The following NR1H3 variants were observed in gnomAD, a reference collection of about 807,000 sequenced individuals.
The protein encoded by NR1H3 is nuclear receptor subfamily 1 group H member 3.
NR1H3 carries 19 observed loss-of-function variants against 48.1 expected under a neutral mutation model. The observed-to-expected ratio is 0.40, with a 90% CI of 0.28 to 0.58. The LOEUF (loss-of-function observed/expected upper bound fraction) is 0.58, where lower values mean the gene tolerates loss of function less well. Ranked by LOEUF, NR1H3 falls within the 20% of genes least tolerant of loss-of-function variation. The probability of loss-of-function intolerance (pLI) is 0.50; values close to 1 mark genes in which losing one functional copy is unlikely to be tolerated. For missense variants in NR1H3, 486 were observed against 595.9 expected (o/e 0.82, Z 1.92); for synonymous variants, 232 against 227.3 (o/e 1.02, Z -0.19).
intron 4 of NR1H3, 66 bp from the exon 5 acceptor site, chr11:47,261,175 T>G: frequency 8.8e-7 from 1 of 1,133,164 alleles, no homozygotes; most frequent in Non-Finnish European, 1.2e-6. Flanking sequence ...CTCCTGTCTT[T>G]CCCCCACCCC....
intron 1 of NR1H3, among the ~76,000 whole-genome samples, chr11:47,252,722 T>C (rs1954765000): frequency 1.3e-5 from 2 of 151,016 alleles, no homozygotes; most frequent in African/African-American, 4.9e-5. Context: ...TACAGGCACC[T>C]GCCACCACAC....
At chr11:47,259,304 T>A in intron 2 of NR1H3, 45 bp downstream of exon 2, 2 of 1,613,490 alleles carry the variant, frequency 1.2e-6, no homozygotes, top group Non-Finnish European at 1.7e-6. Context: ...GACCGCAGGC[T>A]CCACGCCTCC....
chr11:47,263,578 C>G (rs1169856515), intron 7 of NR1H3, among the ~76,000 whole-genome samples: 2 of 151,242 alleles, frequency 1.3e-5, no homozygotes, highest in Non-Finnish European at 1.5e-5. Context: ...ACACAGCCTC[C>G]CCTACTCTTT....
upstream of NR1H3, chr11:47,257,879 G>C: frequency 1.0e-6 from 1 of 985,424 alleles, no homozygotes; most frequent in Non-Finnish European, 1.2e-6. Context: ...GCTGCCCTGT[G>C]GGCGGGGGTG....
chr11:47,268,038 G>A lies in NR1H3; in HGVS notation c.1102+12G>A. 6.3e-7 allele frequency: 1 copy of A among 1,597,178 alleles called. No individual in the cohort carries two copies. The highest frequency in any genetic ancestry group is 2.2e-5 in the East Asian group (1 of 44,812). The stretch of plus-strand genomic sequence containing the variant: ...CATCTTCTCTGCAGGTGTGGAGGAG[G>A]GGCAATGGGAAACAGCAAGAGACTT... On this transcript the variant is annotated intron_variant, in intron 8 of 9. Coordinates refer to ENST00000441012, the MANE Select transcript of NR1H3 (RefSeq NM_005693.4).
chr11:47,255,332 C>T (rs1252067836), upstream of NR1H3, among the ~76,000 whole-genome samples: 1 of 152,162 alleles, frequency 6.6e-6, no homozygotes. Flanking sequence ...GGTTACTTAC[C>T]CTCCTTTCCT....
intron 9 of NR1H3, 45 bp from the exon 10 acceptor site, chr11:47,268,505 C>T (rs111276005): frequency 1.9e-6 from 3 of 1,613,244 alleles, no homozygotes; most frequent in East Asian, 2.2e-5. Context: ...GCCCCGCTTC[C>T]CTGGGGACAG....
At chr11:47,264,647 T>C (rs1042305680) in intron 7 of NR1H3, among the ~76,000 whole-genome samples, 11 of 152,372 alleles carry the variant, frequency 7.2e-5, no homozygotes, top group African/African-American at 2.4e-4. Context: ...TTTGTATTCC[T>C]TTGGCACTTG....
chr11:47,255,539 C>T (rs181556634), upstream of NR1H3, among the ~76,000 whole-genome samples: 2,303 of 109,560 alleles, frequency 0.021, 36 homozygotes, highest in Non-Finnish European at 0.033. Flanking sequence ...TTCTTTCTTT[C>T]TTTTTCTTTC....
Position 47,261,920 on chromosome 11 carries a change from T to C in NR1H3, c.890T>C (p.Val297Ala). The C allele has an allele frequency of 6.2e-7, 1 of 1,613,676 alleles. No homozygotes were observed. Among genetic ancestry groups the C allele is most frequent in the Non-Finnish European group, 8.5e-7 (1 of 1,179,732 alleles). The change falls in exon 7 of 10, where the codon GTG (valine) becomes GCG (alanine). Residue 297 changes from valine to alanine, a missense_variant and splice_region_variant. Val to Ala is a moderately conservative substitution (Grantham distance 64). Transcript: ENST00000441012. ...TTGAGGTTTGCTGCTTGTGTGCAGG[T>C]GATGCTTCTGGAGACATCTCGGAGG... ...IALLKTSAIE[V>A]MLLETSRRYN...
chr11:47,267,161 G>A (rs1038485735), intron 7 of NR1H3, among the ~76,000 whole-genome samples: 2 of 151,918 alleles, frequency 1.3e-5, no homozygotes, highest in Admixed American at 1.3e-4. Context: ...ATAAGAATTA[G>A]CTACTTGTGA....
intron 7 of NR1H3, among the ~76,000 whole-genome samples, chr11:47,263,374 C>T (rs1334948581): frequency 6.6e-6 from 1 of 151,574 alleles, no homozygotes; most frequent in Non-Finnish European, 1.5e-5. Flanking sequence ...CAGTAATCCT[C>T]CTGCCTCAGC....
rs767217290 is a variant in NR1H3, at chr11:47,259,802, G to C, written c.55G>C (p.Glu19Gln). ...CTTTTGGAGCTCAGACTCTGCGGTG[G>C]AGCTGTGGAAGCCAGGCGCACAGGA... ...VPDIPPDSAV[E>Q]LWKPGAQDAS... The change falls in exon 3 of 10, where the codon GAG (glutamate) becomes CAG (glutamine). Residue 19 changes from glutamate (E) to glutamine (Q), a missense_variant. Coordinates refer to ENST00000441012, the MANE Select transcript of NR1H3 (RefSeq NM_005693.4). 6.2e-7 allele frequency: 1 copy of C among 1,612,130 alleles called. No homozygotes were observed. The highest frequency in any genetic ancestry group is 2.2e-5 in the East Asian group (1 of 44,886).
chr11:47,252,563 GTTTT>G (rs1011961103), intron 1 of NR1H3, among the ~76,000 whole-genome samples: 1 of 147,880 alleles, frequency 6.8e-6, no homozygotes, highest in Non-Finnish European at 1.5e-5. Flanking sequence ...CCACCCGGCT[GTTTT>G]TTTTGTTTGT....
chr11:47,268,633 A>C lies in NR1H3; in HGVS notation c.1281A>C (p.Ala427=), dbSNP rs142082651. ...GCGTCCACTCAGAGCAAGTGTTTGC[A>C]CTGCGTCTGCAGGACAAAAAGCTCC... ...LSSVHSEQVF[A]LRLQDKKLPP... The change falls in exon 10 of 10, where the codon GCA becomes GCC. Residue 427 remains alanine (A), a synonymous_variant. Coordinates refer to ENST00000441012, the MANE Select transcript of NR1H3 (RefSeq NM_005693.4). 2 of 1,614,170 alleles carry C rather than the reference A, an allele frequency of 1.2e-6. No individual in the cohort carries two copies. The highest frequency in any genetic ancestry group is 1.7e-6 in the Non-Finnish European group (2 of 1,180,014).
At chr11:47,257,583 G>A (rs1049281529), upstream of NR1H3, 1 of 908,170 alleles carries the variant, frequency 1.1e-6, no homozygotes, top group Non-Finnish European at 1.3e-6. Context: ...TGGGAAAGCC[G>A]CTGGGGCTCA....
At chr11:47,255,615 C>CTCTCTCTCTTTCTTTCTTTCTT (rs1554981334), upstream of NR1H3, among the ~76,000 whole-genome samples, 2 of 93,214 alleles carry the variant, frequency 2.1e-5, no homozygotes, top group African/African-American at 9.5e-5. Context: ...CTCTCTCTCT[C>CTCTCTCTCTTTCTTTCTTTCTT]TCTTTCTTTC....
chr11:47,260,392 C>T lies in NR1H3; in HGVS notation c.233-17C>T, dbSNP rs1216020157. ...TTTTCCTCGGGGGAGAGCGTTGAAG[C>T]ACTTTCCTGTATCCAGAGATCCGTC... On this transcript the variant is annotated splice_polypyrimidine_tract_variant and intron_variant, in intron 3 of 9. Coordinates refer to ENST00000441012, the MANE Select transcript of NR1H3 (RefSeq NM_005693.4). 2 of 1,598,400 alleles carry T rather than the reference C, an allele frequency of 1.3e-6. No homozygotes were observed. Among genetic ancestry groups the T allele is most frequent in the African/African-American group, 1.3e-5 (1 of 74,566 alleles).
intron 1 of NR1H3, among the ~76,000 whole-genome samples, chr11:47,251,916 G>T (rs1305787794): frequency 6.6e-6 from 1 of 152,152 alleles, no homozygotes; most frequent in Non-Finnish European, 1.5e-5. Flanking sequence ...AACTATTCCA[G>T]GAAGGGTGGG....
Sources: gnomAD v4.1 joint callset for allele counts (sites outside exome capture counted in the v4.1 genomes callset) on GRCh38, gnomAD v4.1.1 for gene constraint, MANE v1.5 for transcripts, NCBI Gene and HGNC (gene_info 2026-07-23, HGNC 2026-07-21) for gene names.